TRIO: variants seen among roughly 807,000 people sequenced by gnomAD.
TRIO encodes triple functional domain protein.
TRIO carries 58 observed loss-of-function variants against 351.9 expected under a neutral mutation model. The observed-to-expected ratio is 0.16, with a 90% confidence interval of 0.13 to 0.21. The LOEUF (loss-of-function observed/expected upper bound fraction) is 0.21, where lower values mean the gene tolerates loss of function less well. Ranked by LOEUF, TRIO falls within the 10% of genes least tolerant of loss-of-function variation. The pLI is 1.00. For synonymous variants in TRIO, 1,758 were observed against 1,595.7 expected (o/e 1.10, Z -2.42); for missense variants, 3,201 against 4,027.8 (o/e 0.79, Z 5.56).
At chr5:14,481,163 A>G in intron 43 of TRIO, 71 bp from the exon 44 acceptor site, 1 of 1,309,384 alleles carries the variant, frequency 7.6e-7, no homozygotes, top group Non-Finnish European at 1.0e-6. Flanking sequence ...CTGTCTCTTA[A>G]AAAAAAAAAT....
At chr5:14,174,568 C>T (rs1789293800) in intron 1 of TRIO, among the ~76,000 whole-genome samples, 1 of 152,214 alleles carries the variant, frequency 6.6e-6, no homozygotes, top group Non-Finnish European at 1.5e-5. Flanking sequence ...ATCTGGTCAG[C>T]AGTCGTCAGG....
chr5:14,397,710 A>C (rs1747728922), intron 29 of TRIO, among the ~76,000 whole-genome samples: 1 of 152,222 alleles, frequency 6.6e-6, no homozygotes. Flanking sequence ...GCTACACAGA[A>C]TAAGTTTTAA....
chr5:14,258,402 A>G (rs1380277436), intron 1 of TRIO, among the ~76,000 whole-genome samples: 1 of 152,038 alleles, frequency 6.6e-6, no homozygotes, highest in Non-Finnish European at 1.5e-5. Context: ...ACCTTATTTA[A>G]ATGTCCTTAC....
chr5:14,399,099 C>CTAAA (rs1025970967), intron 30 of TRIO, 29 bp downstream of exon 30: 1 of 1,590,814 alleles, frequency 6.3e-7, no homozygotes, highest in Non-Finnish European at 8.6e-7. Flanking sequence ...AATTGTAAGT[C>CTAAA]TAAAGGTAAC....
chr5:14,481,727 C>T (rs1755532545), intron 45 of TRIO, 109 bp downstream of exon 45: 2 of 913,906 alleles, frequency 2.2e-6, no homozygotes, highest in South Asian at 2.0e-5. Flanking sequence ...ACTTGGTTTT[C>T]TGGCTTCTCT....
At chr5:14,348,878 A>G (rs1742718532) in intron 11 of TRIO, among the ~76,000 whole-genome samples, 2 of 106,374 alleles carry the variant, frequency 1.9e-5, no homozygotes, top group African/African-American at 3.0e-5. Context: ...GTGTATGCAC[A>G]TGAGCATGTG....
chr5:14,451,363 A>G (rs895772737), intron 34 of TRIO, among the ~76,000 whole-genome samples: 2 of 152,190 alleles, frequency 1.3e-5, no homozygotes, highest in Admixed American at 6.5e-5. Flanking sequence ...TTCCAAAAGC[A>G]TGGAATTCAA....
At chr5:14,464,168 G>C (rs1481660772) in intron 36 of TRIO, among the ~76,000 whole-genome samples, 1 of 152,182 alleles carries the variant, frequency 6.6e-6, no homozygotes, top group Non-Finnish European at 1.5e-5. Flanking sequence ...ACATGGGGCT[G>C]TGTGATTTCT....
At position 14,143,686 on chromosome 5, in the gene TRIO, G is replaced by T. The variant is rs954605055; in HGVS notation, c.-40G>T. The T allele has an allele frequency of 3.4e-5, 33 of 963,116 alleles. No individual in the cohort carries two copies. The highest frequency in any genetic ancestry group is 3.7e-5 in the Non-Finnish European group (30 of 813,504). 59.7% of individuals were successfully genotyped at this position (963,116 alleles called of 1,614,324 possible). A position where few individuals can be genotyped will look rare whatever the true frequency, so the allele number is the denominator to read the frequency against. On this transcript the variant is annotated 5_prime_UTR_variant, in exon 1 of 57. Transcript: ENST00000344204. ...GGGCGGCACGCGGCGCTAGGGGCGCGGGGCCCGAGGCGGGCGCGGCCGCGG... is the reference window on the plus strand; with the variant it reads ...GGGCGGCACGCGGCGCTAGGGGCGCTGGGCCCGAGGCGGGCGCGGCCGCGG...
intron 9 of TRIO, 73 bp downstream of exon 9, chr5:14,316,816 T>A: frequency 6.9e-7 from 1 of 1,442,928 alleles, no homozygotes; most frequent in Non-Finnish European, 9.5e-7. Flanking sequence ...ATCATCATAT[T>A]GGGAAGATCT....
At chr5:14,243,189 C>T (rs1004028911) in intron 1 of TRIO, among the ~76,000 whole-genome samples, 7 of 152,158 alleles carry the variant, frequency 4.6e-5, no homozygotes, top group Admixed American at 1.3e-4. Context: ...TGTCCCCTCT[C>T]CGGCTCCTGG....
chr5:14,329,372 GC>G (rs1327580962), intron 9 of TRIO, among the ~76,000 whole-genome samples: 4 of 152,200 alleles, frequency 2.6e-5, no homozygotes, highest in African/African-American at 9.7e-5. Flanking sequence ...GGCCATGAGG[GC>G]TTCACCCTTG....
chr5:14,487,534 C>T lies in TRIO; in HGVS notation c.6906C>T (p.Ser2302=), dbSNP rs1579801678. The T allele has an allele frequency of 2.9e-5, 12 of 420,750 alleles. No homozygotes were observed. The highest frequency in any genetic ancestry group is 4.1e-5 in the Non-Finnish European group (12 of 291,092). The allele number at this position is 420,750 out of a possible 1,614,324, so 26.1% of individuals were successfully genotyped here. A position where few individuals can be genotyped will look rare whatever the true frequency, so the allele number is the denominator to read the frequency against. The change falls in exon 48 of 57, where the codon AGC becomes AGT. Residue 2302 remains serine, a synonymous_variant. Coordinates refer to ENST00000344204, the MANE Select transcript of TRIO (RefSeq NM_007118.4). The stretch of plus-strand genomic sequence containing the variant: ...GCGGCGGCGGCGGCAGCGGGGGCAG[C>T]GGCGGGGGTGGGGGCAGCGGCGGCG... The part of the protein sequence containing the change: ...GGGGGGGSGG[S]GGGGGSGGGG...
chr5:14,287,012 C>T lies in TRIO; in HGVS notation c.489C>T (p.Asn163=), dbSNP rs780596398. Residue 163 remains asparagine (N), a synonymous_variant, in exon 4 of 57, where the codon AAC becomes AAT. Transcript: ENST00000344204. ...IHVALIIKPD[N]FWQKQRTNFG... is the part of the protein sequence containing the mutation. The stretch of plus-strand genomic sequence containing the variant: ...TGGCCCTGATCATCAAGCCAGACAA[C>T]TTCTGGCAGAAACAGAGGACTAATT... The T allele has an allele frequency of 4.3e-6, 7 of 1,614,212 alleles. No individual in the cohort carries two copies. The South Asian group carries it at 6.6e-5, about 15-fold the overall frequency.
At chr5:14,200,794 G>A (rs945943537) in intron 1 of TRIO, among the ~76,000 whole-genome samples, 2 of 152,182 alleles carry the variant, frequency 1.3e-5, no homozygotes. Context: ...GGTTACTGCT[G>A]TTGTTTAGCG....
At chr5:14,321,566 G>A (rs917411673) in intron 9 of TRIO, among the ~76,000 whole-genome samples, 8 of 152,230 alleles carry the variant, frequency 5.3e-5, no homozygotes, top group African/African-American at 1.7e-4. Flanking sequence ...ACCTCATAGA[G>A]TTCAAAGCCC....
At position 14,286,087 on chromosome 5, in the gene TRIO, G is replaced by A. The variant is rs1160056024; in HGVS notation, c.348-784G>A. On this transcript the variant is annotated intron_variant, in intron 3 of 56. Transcript: ENST00000344204. The surrounding 1 kb of genome is among the most constrained non-coding windows in gnomAD (Gnocchi z 4.4). ...TGAGATTTAATACAATTAGAAGCTGGCACTTTTTTTTTTTAAGTGCAATAA... is the reference window on the plus strand; with the variant it reads ...TGAGATTTAATACAATTAGAAGCTGACACTTTTTTTTTTTAAGTGCAATAA... 6.6e-6 allele frequency among the ~76,000 whole-genome samples: 1 copy of A among 152,004 alleles called. No homozygotes were observed. Among genetic ancestry groups the A allele is most frequent in the Non-Finnish European group, 1.5e-5 (1 of 68,004 alleles).
intron 11 of TRIO, among the ~76,000 whole-genome samples, chr5:14,351,833 G>C (rs1035698158): frequency 6.6e-6 from 1 of 152,208 alleles, no homozygotes; most frequent in African/African-American, 2.4e-5. Flanking sequence ...AGAGGTTGCA[G>C]CTGGAACAAT....
intron 1 of TRIO, chr5:14,183,809 C>G: frequency 3.2e-6 from 2 of 622,326 alleles, no homozygotes; most frequent in Admixed American, 4.3e-5. Flanking sequence ...TTTGGGATAT[C>G]TAGAGGTTGT....
Sources: gnomAD v4.1 joint callset for allele counts (sites outside exome capture counted in the v4.1 genomes callset) on GRCh38, gnomAD v4.1.1 for gene constraint, Gnocchi (gnomAD v3.1) non-coding constraint, MANE v1.5 for transcripts, NCBI Gene and HGNC (gene_info 2026-07-23, HGNC 2026-07-21) for gene names.